Variants in RANBP17 observed in about 807,000 individuals in gnomAD.
RANBP17 encodes the protein ran-binding protein 17.
In RANBP17, 158 loss-of-function variants were observed where a neutral mutation model predicts 141.2. That is an observed-to-expected ratio of 1.12 (90% CI 0.98 to 1.28). The LOEUF (loss-of-function observed/expected upper bound fraction) is 1.28, where lower values mean the gene tolerates loss of function less well. Ranked by LOEUF, RANBP17 falls within the 50% of genes most tolerant of loss-of-function variation. The pLI, the probability that RANBP17 is intolerant of heterozygous loss-of-function variation, is 0.00. For synonymous variants in RANBP17, 430 were observed against 450.0 expected (o/e 0.96, Z 0.56); for missense variants, 1,438 against 1,290.7 (o/e 1.11, Z -1.75).
intron 14 of RANBP17, among the ~76,000 whole-genome samples, chr5:171,061,630 G>T (rs1423179646): frequency 6.6e-6 from 1 of 152,328 alleles, no homozygotes; most frequent in East Asian, 1.9e-4. Flanking sequence ...GAAAAAAAAT[G>T]TATATTCTGT....
intron 14 of RANBP17, among the ~76,000 whole-genome samples, chr5:171,015,056 A>G (rs936347748): frequency 1.3e-5 from 2 of 151,822 alleles, no homozygotes; most frequent in Non-Finnish European, 2.9e-5. Context: ...ACTGTATGTA[A>G]TTTGCCTTTT....
At chr5:171,254,567 TGGAA>T (rs1765771540) in intron 24 of RANBP17, among the ~76,000 whole-genome samples, 1 of 152,198 alleles carries the variant, frequency 6.6e-6, no homozygotes, top group South Asian at 2.1e-4. Context: ...CAAATCTTAC[TGGAA>T]GGGTGTTCAG....
Position 171,171,255 on chromosome 5 carries a change from A to T in RANBP17, c.1834A>T (p.Thr612Ser), listed in dbSNP as rs1486575575. 1 of 1,597,650 alleles carries T rather than the reference A, an allele frequency of 6.3e-7. No individual in the cohort carries two copies. The highest frequency in any genetic ancestry group is 8.6e-7 in the Non-Finnish European group (1 of 1,168,916). ...AAGATATGAGCCTGTAATTTCAAGG[A>T]CTCTTCAGTTCCTAAATGACCTTTC... ...WGRYEPVISRTLQFLNDLSVG... is the reference protein window; with the variant it reads ...WGRYEPVISRSLQFLNDLSVG... The change falls in exon 16 of 28, where the codon ACT becomes TCT. Residue 612 changes from threonine (T) to serine (S), a missense_variant. Thr to Ser is a moderately conservative substitution (Grantham distance 58). Transcript: ENST00000523189.
chr5:171,128,368 A>C (rs758944250), intron 14 of RANBP17, among the ~76,000 whole-genome samples: 43 of 152,224 alleles, frequency 2.8e-4, no homozygotes, highest in Admixed American at 5.2e-4. Context: ...TCATTCCATT[A>C]GATGAAACTG....
At chr5:170,921,394 T>C (rs911631456) in intron 11 of RANBP17, among the ~76,000 whole-genome samples, 3 of 152,178 alleles carry the variant, frequency 2.0e-5, no homozygotes, top group African/African-American at 7.2e-5. Context: ...AAAGATCAGA[T>C]GGTTGTAGAT....
intron 12 of RANBP17, among the ~76,000 whole-genome samples, chr5:170,945,583 C>A (rs545484200): frequency 6.6e-6 from 1 of 152,032 alleles, no homozygotes; most frequent in Non-Finnish European, 1.5e-5. Flanking sequence ...TTCTTATTAG[C>A]TAAATTGTAC....
intron 14 of RANBP17, among the ~76,000 whole-genome samples, chr5:171,008,659 G>A (rs766818548): frequency 6.6e-6 from 1 of 152,218 alleles, no homozygotes; most frequent in African/African-American, 2.4e-5. Context: ...ACCTTCTTAA[G>A]GGTGGGGAAG....
rs192802208 is a variant in RANBP17 at position 171,255,965 on chromosome 5, A to G, written c.2777-9716A>G. ...CTTCTGTCTTGGAAATTTTACCTTTAAAAGATTATTTAAGACAGGAACCAG... is the reference window on the plus strand; with the variant it reads ...CTTCTGTCTTGGAAATTTTACCTTTGAAAGATTATTTAAGACAGGAACCAG... On this transcript the variant is annotated intron_variant, in intron 24 of 27. Transcript: ENST00000523189. Among the ~76,000 whole-genome samples the G allele has an allele frequency of 3.2e-4, 49 of 152,278 alleles. No individual in the cohort carries two copies. In the East Asian group the frequency reaches 9.4e-3, roughly 29 times the overall value.
chr5:171,012,745 A>G (rs1780142650), intron 14 of RANBP17, among the ~76,000 whole-genome samples: 1 of 152,202 alleles, frequency 6.6e-6, no homozygotes, highest in Non-Finnish European at 1.5e-5. Flanking sequence ...GACAGTTTTA[A>G]TAGGTAGAAA....
intron 14 of RANBP17, among the ~76,000 whole-genome samples, chr5:171,104,242 G>C (rs893853546): frequency 6.6e-6 from 1 of 152,074 alleles, no homozygotes; most frequent in African/African-American, 2.4e-5. Context: ...TCTCCATGTT[G>C]GTCAGGCTGG....
At chr5:171,218,399 A>G (rs566234357) in intron 21 of RANBP17, among the ~76,000 whole-genome samples, 9 of 152,302 alleles carry the variant, frequency 5.9e-5, no homozygotes, top group South Asian at 2.1e-4. Context: ...GTAGATGTCT[A>G]TTAGGTTTAC....
At chr5:170,988,905 A>G (rs906973115) in intron 14 of RANBP17, among the ~76,000 whole-genome samples, 2 of 151,794 alleles carry the variant, frequency 1.3e-5, no homozygotes, top group African/African-American at 2.4e-5. Flanking sequence ...AGTCCTAGCT[A>G]CTGGCAACCA....
intron 5 of RANBP17, chr5:170,904,038 C>T: frequency 2.1e-6 from 1 of 471,230 alleles, no homozygotes; most frequent in Non-Finnish European, 4.2e-6. Context: ...TCACCAGCTG[C>T]TTCAGGCAGA....
At chr5:171,025,854 C>G (rs1781201254) in intron 14 of RANBP17, among the ~76,000 whole-genome samples, 2 of 152,088 alleles carry the variant, frequency 1.3e-5, no homozygotes, top group African/African-American at 4.8e-5. Flanking sequence ...TCCCAATGTT[C>G]TGGGATTGCA....
intron 5 of RANBP17, among the ~76,000 whole-genome samples, chr5:170,902,093 C>T (rs1028247595): frequency 2.6e-5 from 4 of 152,170 alleles, no homozygotes; most frequent in Non-Finnish European, 5.9e-5. Context: ...GGAAGTTCTC[C>T]TGGATAATAT....
At chr5:171,035,238 A>G (rs1404673838) in intron 14 of RANBP17, among the ~76,000 whole-genome samples, 2 of 152,166 alleles carry the variant, frequency 1.3e-5, no homozygotes, top group African/African-American at 4.8e-5. Flanking sequence ...AGTGAATGTA[A>G]GTGTTCTGAG....
intron 14 of RANBP17, among the ~76,000 whole-genome samples, chr5:171,131,203 C>T (rs1756892043): frequency 6.6e-6 from 1 of 151,998 alleles, no homozygotes; most frequent in Admixed American, 6.6e-5. Flanking sequence ...AGTAAGCTCT[C>T]AAAATATTAG....
intron 26 of RANBP17, among the ~76,000 whole-genome samples, chr5:171,294,370 G>A (rs1768690922): frequency 1.3e-5 from 2 of 152,130 alleles, no homozygotes; most frequent in African/African-American, 4.8e-5. Context: ...GACAGCAGCA[G>A]CCCATCAGGC....
chr5:171,078,904 G>T (rs985588946), intron 14 of RANBP17, among the ~76,000 whole-genome samples: 1 of 152,274 alleles, frequency 6.6e-6, no homozygotes, highest in Middle Eastern at 3.4e-3. Flanking sequence ...TGCAGTTTGT[G>T]GATCAAGGAG....
Sources: allele counts gnomAD v4.1 joint callset (sites outside exome capture counted in the v4.1 genomes callset), GRCh38; gene constraint gnomAD v4.1.1; transcripts MANE v1.5; gene names NCBI Gene and HGNC (gene_info 2026-07-23, HGNC 2026-07-21).